The following TENM3 variants were observed in gnomAD, a reference collection of about 807,000 sequenced individuals.
TENM3 encodes the protein teneurin transmembrane protein 3.
A neutral mutation model predicts 255.1 loss-of-function variants in TENM3; 63 were observed. The ratio of observed to expected loss-of-function variants is 0.25; its 90% CI spans 0.20 to 0.30. TENM3 has a LOEUF of 0.30. TENM3 is among the 10% of genes least tolerant of loss of function. The pLI is 1.00. For synonymous variants in TENM3, 1,306 were observed against 1,322.3 expected (o/e 0.99, Z 0.27); for missense variants, 2,929 against 3,461.1 (o/e 0.85, Z 3.86).
At chr4:182,375,215 G>A (rs983443242) in intron 3 of TENM3, among the ~76,000 whole-genome samples, 4 of 151,932 alleles carry the variant, frequency 2.6e-5, no homozygotes, top group Non-Finnish European at 4.4e-5. Context: ...TTATTTTGAA[G>A]TTATCTGTTT....
At chr4:181,613,667 G>A in the TENM3 span, among the ~76,000 whole-genome samples, 2 of 152,142 alleles carry the variant, frequency 1.3e-5, no homozygotes, top group Admixed American at 6.5e-5. Context: ...TCCTTCCCCA[G>A]GTTGTTATGA....
At chr4:181,837,225 T>C in the TENM3 span, among the ~76,000 whole-genome samples, 4 of 152,174 alleles carry the variant, frequency 2.6e-5, no homozygotes, top group African/African-American at 9.7e-5. Flanking sequence ...CTTTCTTGTC[T>C]TAGCAGACTG....
chr4:182,721,865 G>A (rs1759762973), intron 13 of TENM3, among the ~76,000 whole-genome samples: 1 of 151,244 alleles, frequency 6.6e-6, no homozygotes, highest in Admixed American at 6.6e-5. Context: ...TTCTTTTTTT[G>A]CTAATTGCTT....
the TENM3 span, among the ~76,000 whole-genome samples, chr4:181,836,180 CAT>C: frequency 1.6e-5 from 1 of 63,034 alleles, no homozygotes; most frequent in Non-Finnish European, 3.5e-5. Context: ...TTCATACACA[CAT>C]GCACACACAC....
At chr4:182,548,775 C>CATA (rs995423985) in intron 3 of TENM3, 2 of 151,774 alleles carry the variant, frequency 1.3e-5, no homozygotes, top group Admixed American at 6.6e-5. Context: ...TCTGTCTTAA[C>CATA]ACAGCAGTCA....
At chr4:181,925,768 G>A in the TENM3 span, among the ~76,000 whole-genome samples, 1 of 152,186 alleles carries the variant, frequency 6.6e-6, no homozygotes, top group Admixed American at 6.5e-5. Context: ...TTATGTTTGG[G>A]TGGATGGCAC....
At chr4:181,743,015 T>G in the TENM3 span, among the ~76,000 whole-genome samples, 2 of 152,040 alleles carry the variant, frequency 1.3e-5, no homozygotes, top group African/African-American at 2.4e-5. Context: ...CTCATCATTT[T>G]TTATGGCTGC....
chr4:182,066,599 A>AAATATATATATATATATATATAT, the TENM3 span, among the ~76,000 whole-genome samples: 1 of 137,106 alleles, frequency 7.3e-6, no homozygotes, highest in African/African-American at 2.9e-5. Flanking sequence ...GTAAAAAAAA[A>AAATATATATATATATATATATAT]ATATATATAT....
the TENM3 span, among the ~76,000 whole-genome samples, chr4:182,137,560 G>C: frequency 6.6e-6 from 1 of 152,152 alleles, no homozygotes; most frequent in Admixed American, 6.5e-5. Context: ...GGTCAGACGG[G>C]GAAAACTGGG....
intron 1 of TENM3, among the ~76,000 whole-genome samples, chr4:182,323,438 AG>A (rs1157954917): frequency 1.3e-5 from 2 of 148,544 alleles, no homozygotes; most frequent in Non-Finnish European, 3.0e-5. Context: ...AAAAAAAAAA[AG>A]TTCAATGCAT....
the TENM3 span, among the ~76,000 whole-genome samples, chr4:181,757,844 AT>A: frequency 6.6e-6 from 1 of 152,128 alleles, no homozygotes; most frequent in Non-Finnish European, 1.5e-5. Context: ...AGAAGAACAT[AT>A]TTTTTAAAGG....
At chr4:182,621,827 A>T (rs2152456260) in intron 4 of TENM3, among the ~76,000 whole-genome samples, 1 of 120,784 alleles carries the variant, frequency 8.3e-6, no homozygotes, top group East Asian at 2.3e-4. Context: ...TATATATATT[A>T]GCCAGATGTG....
chr4:182,668,165 A>G (rs944933272), intron 6 of TENM3, among the ~76,000 whole-genome samples: 8 of 152,026 alleles, frequency 5.3e-5, no homozygotes, highest in Non-Finnish European at 7.4e-5. Flanking sequence ...CTGAAGCCCT[A>G]CCTTGGGTTT....
At chr4:182,529,015 TG>T (rs1194975999) in intron 3 of TENM3, among the ~76,000 whole-genome samples, 2 of 152,240 alleles carry the variant, frequency 1.3e-5, no homozygotes, top group Non-Finnish European at 2.9e-5. Flanking sequence ...TGCTTACCTG[TG>T]TCAACGTTTA....
chr4:181,560,831 G>T, the TENM3 span, among the ~76,000 whole-genome samples: 1 of 152,172 alleles, frequency 6.6e-6, no homozygotes, highest in African/African-American at 2.4e-5. Flanking sequence ...CTCTTTCTCT[G>T]CTCACGGTGC....
intron 5 of TENM3, among the ~76,000 whole-genome samples, chr4:182,634,080 A>G (rs1011893189): frequency 1.2e-4 from 18 of 152,212 alleles, no homozygotes; most frequent in African/African-American, 4.1e-4. Flanking sequence ...TCAGACCACA[A>G]TATGAGTAGC....
At chr4:181,775,848 A>T in the TENM3 span, among the ~76,000 whole-genome samples, 1 of 152,166 alleles carries the variant, frequency 6.6e-6, no homozygotes, top group Non-Finnish European at 1.5e-5. Context: ...TGTTATATGC[A>T]TAGGATTTGT....
At chr4:182,163,712 A>G (rs145442960) in intron 1 of TENM3, among the ~76,000 whole-genome samples, 23 of 152,334 alleles carry the variant, frequency 1.5e-4, no homozygotes, top group Middle Eastern at 6.8e-3. Context: ...ATAAACGTGT[A>G]GCCCTCCCAG....
rs1211549224 is a variant in TENM3, at chr4:182,792,586, G to A, written c.5914G>A (p.Glu1972Lys). The A allele has an allele frequency of 6.2e-7, 1 of 1,613,994 alleles. No homozygotes were observed. Among genetic ancestry groups the A allele is most frequent in the African/African-American group, 1.3e-5 (1 of 75,040 alleles). ...CACAAGAGTCAGTTTTACCTATGAT[G>A]AAACAGCAGGAGTCCTAAAGACAGT... ...DSTRVSFTYD[E>K]TAGVLKTVNL... Residue 1972 changes from glutamate (E) to lysine (K), a missense_variant, in exon 26 of 28, where the codon GAA becomes AAA. This residue lies in a region of TENM3 where 303 missense variants were observed against 425.2 expected (regional missense o/e 0.71). Coordinates refer to ENST00000511685, the MANE Select transcript of TENM3 (RefSeq NM_001080477.4). This position sits in a 1 kb window ranked among gnomAD's most constrained non-coding sequence, Gnocchi z 6.3.
Sources: allele counts gnomAD v4.1 joint callset (sites outside exome capture counted in the v4.1 genomes callset), GRCh38; gene constraint gnomAD v4.1.1; regional missense constraint gnomAD v4.1.1; non-coding constraint Gnocchi (gnomAD v3.1); transcripts MANE v1.5; gene names NCBI Gene and HGNC (gene_info 2026-07-23, HGNC 2026-07-21).